ADGRB3: variants seen among roughly 807,000 people sequenced by gnomAD.
ADGRB3 encodes the protein adhesion G protein-coupled receptor B3, also known as brain-specific angiogenesis inhibitor 3.
A neutral mutation model predicts 193.4 loss-of-function variants in ADGRB3; 37 were observed. That is an observed-to-expected ratio of 0.19 (90% CI 0.15 to 0.25). ADGRB3 has a LOEUF of 0.25. Among genes scored for constraint, ADGRB3 ranks in the 10% least tolerant of loss-of-function variants. The pLI is 1.00. For synonymous variants in ADGRB3, 690 were observed against 644.2 expected, an observed-to-expected ratio of 1.07 and a Z score of -1.08; for missense variants, 1,637 against 1,852.9, an observed-to-expected ratio of 0.88 and a Z score of 2.14.
intron 17 of ADGRB3, among the ~76,000 whole-genome samples, chr6:69,100,924 A>G (rs1446644275): frequency 1.8e-3 from 26 of 14,112 alleles, no homozygotes; most frequent in South Asian, 2.4e-3. Context: ...GAAGGAAGGA[A>G]GGAGGGAGGG....
chr6:68,877,212 A>C (rs891900867), intron 3 of ADGRB3, among the ~76,000 whole-genome samples: 1 of 152,032 alleles, frequency 6.6e-6, no homozygotes, highest in Non-Finnish European at 1.5e-5. Context: ...AAATTATATG[A>C]TTGGATTCTT....
At chr6:68,868,951 G>GTGTGTGTGTGTGTGCGTGTGTT (rs781022363) in intron 3 of ADGRB3, among the ~76,000 whole-genome samples, 8 of 150,394 alleles carry the variant, frequency 5.3e-5, no homozygotes, top group African/African-American at 2.0e-4. Flanking sequence ...GAGTGTGTGT[G>GTGTGTGTGTGTGTGCGTGTGTT]TTTAAACTTA....
intron 3 of ADGRB3, among the ~76,000 whole-genome samples, chr6:68,786,004 G>GT (rs1215251225): frequency 2.0e-5 from 3 of 151,776 alleles, no homozygotes; most frequent in Non-Finnish European, 2.9e-5. Context: ...TGATGGGGTT[G>GT]TTTTTTTCTT....
Position 69,208,023 on chromosome 6 carries a change from G to A in ADGRB3, c.2481-25267G>A, listed in dbSNP as rs142150897. On this transcript the variant is annotated intron_variant, in intron 17 of 31. Coordinates refer to ENST00000370598, the MANE Select transcript of ADGRB3 (RefSeq NM_001704.3). ...AGGAATGATGCCATATCGAGGGCTC[G>A]GCGTTGGTCTCTGCCACTGGCAAAT... Among the ~76,000 whole-genome samples, 871 of 152,280 alleles carry A rather than the reference G, an allele frequency of 5.7e-3. 3 individuals carry two copies. Among genetic ancestry groups the A allele is most frequent in the Non-Finnish European group, 8.6e-3 (583 of 68,012 alleles).
At chr6:69,337,237 G>T (rs190013580) in intron 24 of ADGRB3, among the ~76,000 whole-genome samples, 10 of 152,150 alleles carry the variant, frequency 6.6e-5, no homozygotes, top group African/African-American at 2.4e-4. Flanking sequence ...ATCAGTGTTT[G>T]AAGTGTGAAC....
At chr6:69,006,683 T>C (rs952136511) in intron 11 of ADGRB3, among the ~76,000 whole-genome samples, 69 of 151,694 alleles carry the variant, frequency 4.5e-4, no homozygotes, top group African/African-American at 1.6e-3. Flanking sequence ...TTTTTTTTTA[T>C]TTTTAGTAGA....
intron 17 of ADGRB3, among the ~76,000 whole-genome samples, chr6:69,159,884 C>A (rs1774938774): frequency 6.6e-6 from 1 of 152,134 alleles, no homozygotes; most frequent in African/African-American, 2.4e-5. Flanking sequence ...TGCACACATT[C>A]TTTCCTATCC....
At chr6:69,215,717 T>C (rs1378879382) in intron 17 of ADGRB3, among the ~76,000 whole-genome samples, 1 of 152,152 alleles carries the variant, frequency 6.6e-6, no homozygotes, top group Non-Finnish European at 1.5e-5. Context: ...CAAAGCCTAT[T>C]AGTTGTGGCT....
intron 15 of ADGRB3, 69 bp downstream of exon 15, chr6:69,049,415 A>G (rs1582422105): frequency 1.7e-6 from 2 of 1,155,540 alleles, no homozygotes; most frequent in African/African-American, 1.6e-5. Context: ...AGCTCATTCT[A>G]TAAAAATAGT....
chr6:68,978,138 G>A, intron 10 of ADGRB3, among the ~76,000 whole-genome samples: 2 of 151,666 alleles, frequency 1.3e-5, no homozygotes, highest in East Asian at 3.9e-4. Context: ...CATACATTGT[G>A]AAAGAGTTGT....
intron 10 of ADGRB3, among the ~76,000 whole-genome samples, chr6:68,985,159 G>A (rs774427638): frequency 1.3e-5 from 2 of 152,142 alleles, no homozygotes; most frequent in Non-Finnish European, 2.9e-5. Context: ...TTGTATGCAG[G>A]TGCAGGGAAG....
intron 17 of ADGRB3, among the ~76,000 whole-genome samples, chr6:69,227,322 C>T (rs1766040845): frequency 6.6e-6 from 1 of 152,096 alleles, no homozygotes; most frequent in Non-Finnish European, 1.5e-5. Flanking sequence ...TCCTTGTAGA[C>T]CATTGTAAGG....
intron 3 of ADGRB3, among the ~76,000 whole-genome samples, chr6:68,786,503 A>G (rs1766973967): frequency 6.6e-6 from 1 of 151,966 alleles, no homozygotes; most frequent in African/African-American, 2.4e-5. Flanking sequence ...GTTCTGTTCC[A>G]TTGGTCTATA....
chr6:69,288,017 G>A (rs1767588264), intron 20 of ADGRB3, among the ~76,000 whole-genome samples: 1 of 151,856 alleles, frequency 6.6e-6, no homozygotes, highest in African/African-American at 2.4e-5. Context: ...ACATGCAGTA[G>A]CAATAAAACT....
At chr6:69,379,095 T>A (rs1769893615) in intron 30 of ADGRB3, among the ~76,000 whole-genome samples, 1 of 152,036 alleles carries the variant, frequency 6.6e-6, no homozygotes, top group African/African-American at 2.4e-5. Context: ...GATAGTAATA[T>A]GAATGCAAGG....
At chr6:69,361,629 C>T (rs1243890909) in intron 29 of ADGRB3, 117 bp downstream of exon 29, 1 of 1,237,980 alleles carries the variant, frequency 8.1e-7, no homozygotes, top group African/African-American at 1.5e-5. Context: ...AGAGAAGATT[C>T]ACATTAGCTT....
In ADGRB3 at chr6:69,235,012, T is replaced by C. The variant is rs950399929; in HGVS notation, c.2608-20T>C. On this transcript the variant is annotated intron_variant, in intron 18 of 31. Coordinates refer to ENST00000370598, the MANE Select transcript of ADGRB3 (RefSeq NM_001704.3). ...TATTAAAAACCAATTTGTTTCTTTT[T>C]TGTTTTGTTTAATTCACAGATCATG... 2.6e-6 allele frequency: 4 copies of C among 1,568,042 alleles called. No homozygotes were observed. Among genetic ancestry groups the C allele is most frequent in the Non-Finnish European group, 3.5e-6 (4 of 1,142,760 alleles).
intron 20 of ADGRB3, among the ~76,000 whole-genome samples, chr6:69,279,521 T>C (rs9454725): frequency 0.28 from 43,193 of 151,884 alleles, 6,700 homozygotes; most frequent in African/African-American, 0.35. Context: ...TTGCCTACAT[T>C]TAAAATTTTA....
At chr6:68,936,446 T>C in intron 4 of ADGRB3, 73 bp from the exon 5 acceptor site, 1 of 1,400,792 alleles carries the variant, frequency 7.1e-7, no homozygotes, top group Non-Finnish European at 9.8e-7. Context: ...TGTCATAATG[T>C]CAGTTTGGTA....
Sources: gnomAD v4.1 joint callset for allele counts (sites outside exome capture counted in the v4.1 genomes callset) on GRCh38, gnomAD v4.1.1 for gene constraint, MANE v1.5 for transcripts, NCBI Gene and HGNC (gene_info 2026-07-23, HGNC 2026-07-21) for gene names.